The following APBA2 variants were observed in gnomAD, a reference collection of about 807,000 sequenced individuals.
APBA2 encodes amyloid beta precursor protein binding family A member 2, also known as amyloid-beta A4 precursor protein-binding family A member 2.
Under a neutral mutation model 75.0 loss-of-function variants are expected in APBA2, and 30 were observed. The ratio of observed to expected loss-of-function variants is 0.40; its 90% confidence interval spans 0.30 to 0.54. APBA2 has a LOEUF of 0.54. APBA2 is among the 20% of genes least tolerant of loss of function. APBA2 has a pLI of 0.49. For synonymous variants in APBA2, 444 were observed against 409.6 expected (o/e 1.08, Z -1.01); for missense variants, 801 against 1,016.1 (o/e 0.79, Z 2.88).
chr15:28,980,593 A>G (rs1021680237), intron 2 of APBA2, among the ~76,000 whole-genome samples: 4 of 152,252 alleles, frequency 2.6e-5, no homozygotes, highest in African/African-American at 7.2e-5. Context: ...GAAAGAATCA[A>G]TATTGTTAAA....
At chr15:28,963,177 A>T (rs1425896747) in intron 2 of APBA2, among the ~76,000 whole-genome samples, 1 of 152,132 alleles carries the variant, frequency 6.6e-6, no homozygotes, top group Non-Finnish European at 1.5e-5. Flanking sequence ...TTTTCTAATT[A>T]CGTTTGTTTG....
In APBA2 at chr15:28,940,155, C is replaced by G. The variant is rs573622073; in HGVS notation, c.-95+18406C>G. Among the ~76,000 whole-genome samples, 73 of 151,974 alleles carry G rather than the reference C, an allele frequency of 4.8e-4. 1 individual carries two copies. Among genetic ancestry groups the G allele is most frequent in the African/African-American group, 1.7e-3 (71 of 41,454 alleles). ...TGATGTGATCTTTTAACTCTGAGGACCTTGACCAGGATTTTCAGTGGCGAG... is the reference window on the plus strand; with the variant it reads ...TGATGTGATCTTTTAACTCTGAGGAGCTTGACCAGGATTTTCAGTGGCGAG... On this transcript the variant is annotated intron_variant, in intron 2 of 14. Coordinates refer to ENST00000683413, the MANE Select transcript of APBA2 (RefSeq NM_001353788.2).
At chr15:28,927,440 T>G (rs537100350) in intron 2 of APBA2, among the ~76,000 whole-genome samples, 1 of 152,222 alleles carries the variant, frequency 6.6e-6, no homozygotes, top group Non-Finnish European at 1.5e-5. Context: ...TTGAAAATAT[T>G]TTGGCCATCA....
intron 3 of APBA2, among the ~76,000 whole-genome samples, chr15:29,006,841 C>T (rs1358486902): frequency 6.6e-6 from 1 of 152,204 alleles, no homozygotes; most frequent in African/African-American, 2.4e-5. Context: ...ATATCCAAAG[C>T]AATCTACAGA....
intron 3 of APBA2, among the ~76,000 whole-genome samples, chr15:29,027,744 G>A (rs916227692): frequency 1.3e-5 from 2 of 151,954 alleles, no homozygotes; most frequent in Non-Finnish European, 2.9e-5. Flanking sequence ...TGGGACTACA[G>A]GCGCCTGCCA....
At chr15:28,947,237 G>A (rs1036762537) in intron 2 of APBA2, among the ~76,000 whole-genome samples, 2 of 152,180 alleles carry the variant, frequency 1.3e-5, no homozygotes, top group Non-Finnish European at 2.9e-5. Flanking sequence ...TGAAATGGAA[G>A]GCAGCTCCTT....
chr15:28,896,720 T>G (rs1199810110), intron 1 of APBA2, among the ~76,000 whole-genome samples: 1 of 152,234 alleles, frequency 6.6e-6, no homozygotes, highest in Non-Finnish European at 1.5e-5. Flanking sequence ...TTGTGCTGAC[T>G]GGGTCAGCAG....
intron 8 of APBA2, among the ~76,000 whole-genome samples, chr15:29,096,434 C>A: frequency 6.6e-6 from 1 of 152,260 alleles, no homozygotes; most frequent in East Asian, 1.9e-4. Flanking sequence ...ACTTTTCTCA[C>A]TTCTGGCTTG....
rs117741317 is a variant in APBA2 at position 28,997,473 on chromosome 15, C to T, written c.-41+1667C>T. Reference sequence around the variant, plus strand: ...TGACATTAGATACATCATCCACTCTCAGCTCTGAAAATGCTGGAGATTTTG... The same window carrying T: ...TGACATTAGATACATCATCCACTCTTAGCTCTGAAAATGCTGGAGATTTTG... On this transcript the variant is annotated intron_variant, in intron 3 of 14. Transcript: ENST00000683413. Among the ~76,000 whole-genome samples the T allele has an allele frequency of 6.0e-4, 91 of 152,302 alleles. No individual in the cohort carries two copies. The East Asian group carries it at 0.015, about 26-fold the overall frequency.
chr15:28,987,253 A>G (rs1206481594), intron 2 of APBA2, among the ~76,000 whole-genome samples: 1 of 152,232 alleles, frequency 6.6e-6, no homozygotes, highest in Non-Finnish European at 1.5e-5. Context: ...TGTGTAACAT[A>G]TTATGCCAAC....
At position 29,108,389 on chromosome 15, in the gene APBA2, T is replaced by C; in HGVS notation, c.2037T>C (p.Ile679=). 1 of 1,614,022 alleles carries C rather than the reference T, an allele frequency of 6.2e-7. No homozygotes were observed. Among genetic ancestry groups the C allele is most frequent in the Non-Finnish European group, 8.5e-7 (1 of 1,180,016 alleles). Residue 679 remains isoleucine (I), a splice_region_variant and synonymous_variant, in exon 13 of 15, where the codon ATT becomes ATC. Transcript: ENST00000683413. ...TGGGCTTCAGCGTGCAGAATGGAAT[T>C]GTGAGTTCCCCCTCCTGCTCTGGGC... ...YQLGFSVQNG[I]ICSLMRGGIA...
intron 2 of APBA2, among the ~76,000 whole-genome samples, chr15:28,943,719 C>T (rs1286407269): frequency 6.6e-6 from 1 of 152,212 alleles, no homozygotes; most frequent in Non-Finnish European, 1.5e-5. Context: ...CCAGGACGCT[C>T]ATCGATGGCC....
chr15:29,103,269 A>G (rs1464162085), intron 10 of APBA2, among the ~76,000 whole-genome samples: 1 of 152,192 alleles, frequency 6.6e-6, no homozygotes, highest in Non-Finnish European at 1.5e-5. Flanking sequence ...CGTATTGGGT[A>G]GATGAGGCCG....
At position 28,918,508 on chromosome 15, in the gene APBA2, C is replaced by T. The variant is rs1403075698; in HGVS notation, c.-204-3132C>T. Among the ~76,000 whole-genome samples, 1 of 152,156 alleles carries T rather than the reference C, an allele frequency of 6.6e-6. No homozygotes were observed. The highest frequency in any genetic ancestry group is 1.5e-5 in the Non-Finnish European group (1 of 68,016). On this transcript the variant is annotated intron_variant, in intron 1 of 14. Coordinates refer to ENST00000683413, the MANE Select transcript of APBA2 (RefSeq NM_001353788.2). This position sits in a 1 kb window ranked among gnomAD's most constrained non-coding sequence, Gnocchi z 4.2. ...CTTCCCCCACTGCAAGGAGGAATCC[C>T]GGTGCTCTTCTCCACCAGCCTTCCC...
chr15:29,103,771 C>T (rs936831301), intron 10 of APBA2, among the ~76,000 whole-genome samples: 9 of 152,230 alleles, frequency 5.9e-5, no homozygotes, highest in African/African-American at 1.9e-4. Context: ...TCCTTCCCAG[C>T]CAGGTGGCCT....
intron 2 of APBA2, among the ~76,000 whole-genome samples, chr15:28,937,101 C>T (rs946071040): frequency 3.3e-5 from 5 of 152,182 alleles, no homozygotes; most frequent in African/African-American, 1.2e-4. Flanking sequence ...TCTCACGAGA[C>T]ACAGGCCTCC....
At position 28,928,131 on chromosome 15, in the gene APBA2, G is replaced by A. The variant is rs2034373708; in HGVS notation, c.-95+6382G>A. ...TGTACTCCAGCCTGGGCAACAGAGCGAGACTCCATCTAAAAAAAAAAAAAA... is the reference window on the plus strand; with the variant it reads ...TGTACTCCAGCCTGGGCAACAGAGCAAGACTCCATCTAAAAAAAAAAAAAA... On this transcript the variant is annotated intron_variant, in intron 2 of 14. Coordinates refer to ENST00000683413, the MANE Select transcript of APBA2 (RefSeq NM_001353788.2). Among the ~76,000 whole-genome samples the A allele has an allele frequency of 3.3e-5, 4 of 121,882 alleles. No homozygotes were observed. In the Admixed American group the frequency reaches 3.6e-4, roughly 11 times the overall value. 80.0% of individuals were successfully genotyped at this position (121,882 alleles called of 152,430 possible).
At chr15:28,967,647 C>T (rs1376387677) in intron 2 of APBA2, among the ~76,000 whole-genome samples, 3 of 152,106 alleles carry the variant, frequency 2.0e-5, no homozygotes, top group Non-Finnish European at 4.4e-5. Context: ...ACCGTGTTAG[C>T]CAGGATGGTC....
chr15:29,094,378 C>A (rs2043740956), intron 8 of APBA2, 65 bp downstream of exon 8: 2 of 1,534,902 alleles, frequency 1.3e-6, no homozygotes, highest in Non-Finnish European at 1.8e-6. Context: ...TTGTCCTGGG[C>A]AGTGGGGGCT....
Sources: gnomAD v4.1 joint callset for allele counts (sites outside exome capture counted in the v4.1 genomes callset) on GRCh38, gnomAD v4.1.1 for gene constraint, Gnocchi (gnomAD v3.1) non-coding constraint, MANE v1.5 for transcripts, NCBI Gene and HGNC (gene_info 2026-07-23, HGNC 2026-07-21) for gene names.